Variants in GSPT1 observed in about 807,000 individuals in gnomAD.
GSPT1 encodes the protein eukaryotic peptide chain release factor GTP-binding subunit ERF3A.
A neutral mutation model predicts 72.5 loss-of-function variants in GSPT1; 20 were observed. The ratio of observed to expected loss-of-function variants is 0.28; its 90% confidence interval spans 0.19 to 0.40. The LOEUF (loss-of-function observed/expected upper bound fraction) is 0.40. GSPT1 is among the 10% of genes least tolerant of loss of function. The pLI is 1.00. For synonymous variants in GSPT1, 334 were observed against 293.5 expected, an observed-to-expected ratio of 1.14 and a Z score of -1.41; for missense variants, 580 against 811.9, an observed-to-expected ratio of 0.71 and a Z score of 3.47.
chr16:11,894,603 A>G (rs2054311842), intron 5 of GSPT1, among the ~76,000 whole-genome samples: 1 of 152,224 alleles, frequency 6.6e-6, no homozygotes, highest in Non-Finnish European at 1.5e-5. Context: ...AAAAGCTTTC[A>G]GAAACACATT....
At position 11,896,695 on chromosome 16, in the gene GSPT1, C is replaced by A; in HGVS notation, c.527G>T (p.Gly176Val). The A allele has an allele frequency of 3.7e-6, 6 of 1,607,938 alleles. No individual in the cohort carries two copies. The highest frequency in any genetic ancestry group is 5.1e-6 in the Non-Finnish European group (6 of 1,177,032). The change falls in exon 4 of 15, where the codon GGA becomes GTA. Residue 176 changes from glycine to valine, a missense_variant. Around this residue, in one of 6 missense-constraint regions of GSPT1, gnomAD observed 327 missense variants for 298.8 expected, o/e 1.09. Transcript: ENST00000434724. Reference sequence around the variant, plus strand: ...ACTTTCCTCTGGCGGCCTTCCATCTCCCAAGGAACCACCCCCTGGCTCTGC... The same window carrying A: ...ACTTTCCTCTGGCGGCCTTCCATCTACCAAGGAACCACCCCCTGGCTCTGC... Reference protein sequence around the residue: ...SEAEPGGGSLGDGRPPEESAH... With the variant: ...SEAEPGGGSLVDGRPPEESAH...
chr16:11,905,399 C>G (rs2054475623), intron 1 of GSPT1, among the ~76,000 whole-genome samples: 1 of 152,152 alleles, frequency 6.6e-6, no homozygotes, highest in South Asian at 2.1e-4. Context: ...GATAACAGTT[C>G]TAGCTCAAGG....
At chr16:11,907,886 T>G (rs1489616406) in intron 1 of GSPT1, among the ~76,000 whole-genome samples, 5 of 152,166 alleles carry the variant, frequency 3.3e-5, no homozygotes, top group African/African-American at 1.2e-4. Flanking sequence ...TAACTAAAAT[T>G]CCATTATGTT....
At position 11,915,649 on chromosome 16, in the gene GSPT1, G is replaced by A. The variant is rs1402404855; in HGVS notation, c.72C>T (p.Ser24=). 2.0e-6 allele frequency: 3 copies of A among 1,475,392 alleles called. No homozygotes were observed. Among genetic ancestry groups the A allele is most frequent in the African/African-American group, 3.0e-5 (2 of 67,204 alleles). The allele number at this position is 1,475,392 out of a possible 1,614,324, so 91.4% of individuals were successfully genotyped here. A position where few individuals can be genotyped will look rare whatever the true frequency, so the allele number is the denominator to read the frequency against. ...GGGSSSGSSS[S]DSAPDCWDQA... is the part of the protein sequence containing the mutation. The stretch of plus-strand genomic sequence containing the variant: ...GGTCCCAGCAGTCAGGCGCCGAGTC[G>A]CTGCTGCTGCTGCCGCTGCTGCTCC... Residue 24 remains serine, a synonymous_variant, in exon 1 of 15, where the codon AGC becomes AGT. Transcript: ENST00000434724.
chr16:11,884,665 G>T (rs2054164501), intron 10 of GSPT1, among the ~76,000 whole-genome samples: 1 of 151,702 alleles, frequency 6.6e-6, no homozygotes, highest in Admixed American at 6.6e-5. Flanking sequence ...TCAGGAGGCT[G>T]AGGCTGGAGA....
intron 14 of GSPT1, among the ~76,000 whole-genome samples, chr16:11,874,956 C>A (rs561264149): frequency 6.6e-6 from 1 of 152,184 alleles, no homozygotes; most frequent in Non-Finnish European, 1.5e-5. Flanking sequence ...CTTTGGGAGG[C>A]CAAGGCGGGC....
intron 6 of GSPT1, among the ~76,000 whole-genome samples, chr16:11,888,027 A>G (rs918535932): frequency 6.6e-6 from 1 of 152,070 alleles, no homozygotes; most frequent in African/African-American, 2.4e-5. Context: ...CTGGGTGTGG[A>G]GGAGCCCACC....
chr16:11,889,006 G>T (rs1169058971), intron 6 of GSPT1, among the ~76,000 whole-genome samples: 5 of 152,028 alleles, frequency 3.3e-5, no homozygotes, highest in South Asian at 2.1e-4. Context: ...GAGAGTTAAA[G>T]GGTAATAATA....
At position 11,900,844 on chromosome 16, in the gene GSPT1, G is replaced by A. The variant is rs1260536153; in HGVS notation, c.353-2809C>T. 5.4e-4 allele frequency among the ~76,000 whole-genome samples: 82 copies of A among 152,126 alleles called. No homozygotes were observed. In the East Asian group the frequency reaches 0.012, roughly 22 times the overall value. The stretch of plus-strand genomic sequence containing the variant: ...AACTATTAGATTTACAATACAGATG[G>A]CTCCTCAACTTACAATGGATTGTAA... On this transcript the variant is annotated intron_variant, in intron 1 of 14. Transcript: ENST00000434724.
intron 1 of GSPT1, among the ~76,000 whole-genome samples, chr16:11,902,455 T>C (rs1201647990): frequency 1.4e-5 from 2 of 138,286 alleles, no homozygotes; most frequent in African/African-American, 2.7e-5. Flanking sequence ...TAATTTATAA[T>C]AAAGGAAGAT....
intron 10 of GSPT1, 75 bp downstream of exon 10, chr16:11,885,106 T>A: frequency 1.4e-6 from 1 of 736,138 alleles, no homozygotes; most frequent in Non-Finnish European, 2.4e-6. Context: ...AAAAAAAGTT[T>A]TCAAAACTAG....
chr16:11,883,208 AAGT>A (rs1379532248), intron 10 of GSPT1, 113 bp from the exon 11 acceptor site: 4 of 676,712 alleles, frequency 5.9e-6, no homozygotes, highest in Non-Finnish European at 1.1e-5. Flanking sequence ...TCATTTGCTT[AAGT>A]AGAAGGCTTA....
intron 5 of GSPT1, among the ~76,000 whole-genome samples, chr16:11,892,285 G>GT (rs1406869154): frequency 1.3e-5 from 2 of 151,372 alleles, no homozygotes; most frequent in African/African-American, 4.9e-5. Flanking sequence ...TGAGGTTACA[G>GT]TAAGCTATGA....
chr16:11,885,206 C>A lies in GSPT1; in HGVS notation c.1322G>T (p.Arg441Met). The A allele has an allele frequency of 6.3e-7, 1 of 1,588,390 alleles. No individual in the cohort carries two copies. Among genetic ancestry groups the A allele is most frequent in the Non-Finnish European group, 8.6e-7 (1 of 1,156,748 alleles). ...NFNRSVDGPI[R>M]LPIVDKYKDM... Reference sequence around the variant, plus strand: ...CTTGTACTTATCCACAATTGGCAGCCTGATTGGTCCATCAACTGATCTATT... The same window carrying A: ...CTTGTACTTATCCACAATTGGCAGCATGATTGGTCCATCAACTGATCTATT... Residue 441 changes from arginine (R) to methionine (M), a missense_variant, in exon 10 of 15, where the codon AGG becomes ATG. Around this residue, in one of 6 missense-constraint regions of GSPT1, gnomAD observed 45 missense variants for 43.0 expected, o/e 1.05. Coordinates refer to ENST00000434724, the MANE Select transcript of GSPT1 (RefSeq NM_002094.4).
chr16:11,916,492 T>G (rs1299789032), upstream of GSPT1, among the ~76,000 whole-genome samples: 2 of 152,200 alleles, frequency 1.3e-5, no homozygotes, highest in Non-Finnish European at 2.9e-5. Flanking sequence ...CCTCACAGTC[T>G]CCGTACCTTA....
In GSPT1 at chr16:11,868,948, C is replaced by T. The variant is rs1188629256; in HGVS notation, c.*4171G>A. ...TAATCTCCACTCCCACACCTTCAGG[C>T]CCTTATAATAATCCTTAGTAAACAA... On this transcript the variant is annotated 3_prime_UTR_variant, in exon 15 of 15. Transcript: ENST00000434724. 6.6e-6 allele frequency: 1 copy of T among 152,176 alleles called. No homozygotes were observed. Among genetic ancestry groups the T allele is most frequent in the African/African-American group, 2.4e-5 (1 of 41,448 alleles). The allele number at this position is 152,176 out of a possible 1,614,324, so 9.4% of individuals were successfully genotyped here.
At chr16:11,892,524 A>AAAAAAAAAAAAAAAAAAAAT (rs1567443285) in intron 5 of GSPT1, among the ~76,000 whole-genome samples, 1 of 126,644 alleles carries the variant, frequency 7.9e-6, no homozygotes, top group Non-Finnish European at 1.6e-5. Flanking sequence ...CAAAAAAAAC[A>AAAAAAAAAAAAAAAAAAAAT]AAAAAAACAA....
At chr16:11,875,054 G>A (rs2054027593) in intron 14 of GSPT1, among the ~76,000 whole-genome samples, 1 of 152,102 alleles carries the variant, frequency 6.6e-6, no homozygotes. Context: ...GCCAGGCATG[G>A]TGGCAGCACC....
Position 11,874,110 on chromosome 16 carries a change from G to A in GSPT1, c.1862-939C>T, listed in dbSNP as rs2054009856. On this transcript the variant is annotated intron_variant, in intron 14 of 14. Transcript: ENST00000434724. ...ACAAATTGAAAAATGGTTGCCTGGG[G>A]TGGAGGTGGGAATAAGGGGTGATTA... 2.6e-5 allele frequency among the ~76,000 whole-genome samples: 4 copies of A among 152,296 alleles called. No homozygotes were observed. In the South Asian group the frequency reaches 6.2e-4, roughly 24 times the overall value.
Sources: allele counts gnomAD v4.1 joint callset (sites outside exome capture counted in the v4.1 genomes callset), GRCh38; gene constraint gnomAD v4.1.1; regional missense constraint gnomAD v4.1.1; transcripts MANE v1.5; gene names NCBI Gene and HGNC (gene_info 2026-07-23, HGNC 2026-07-21).